Variants in PTPN14 observed in about 807,000 individuals in gnomAD.
PTPN14 encodes protein tyrosine phosphatase non-receptor type 14.
In PTPN14, 53 loss-of-function variants were observed where a neutral mutation model predicts 126.8. The observed-to-expected ratio is 0.42, with a 90% CI of 0.34 to 0.53. PTPN14 has a LOEUF of 0.53. PTPN14 is among the 20% of genes least tolerant of loss of function. The pLI is 0.08. For synonymous variants in PTPN14, 630 were observed against 599.3 expected (o/e 1.05, Z -0.75); for missense variants, 1,257 against 1,552.9 (o/e 0.81, Z 3.20).
chr1:214,448,126 T>G (rs547332500), intron 3 of PTPN14, among the ~76,000 whole-genome samples: 21 of 152,370 alleles, frequency 1.4e-4, no homozygotes, highest in African/African-American at 4.6e-4. Flanking sequence ...AATGCAGCAT[T>G]AAGTTTACTT....
intron 1 of PTPN14, among the ~76,000 whole-genome samples, chr1:214,541,256 T>C (rs1290179035): frequency 1.3e-5 from 2 of 152,142 alleles, no homozygotes; most frequent in East Asian, 1.9e-4. Flanking sequence ...TAAAAAAGAA[T>C]TGCAGTGGGG....
chr1:214,464,107 CT>C (rs1036999897), intron 2 of PTPN14, among the ~76,000 whole-genome samples: 6 of 151,364 alleles, frequency 4.0e-5, no homozygotes, highest in Admixed American at 4.0e-4. Context: ...AAGAAAACCT[CT>C]GTTTTACAGG....
intron 1 of PTPN14, among the ~76,000 whole-genome samples, chr1:214,518,046 C>A (rs928599667): frequency 3.3e-5 from 5 of 152,108 alleles, no homozygotes; most frequent in African/African-American, 9.7e-5. Context: ...AGGAACAATG[C>A]GTTGGTATCT....
At chr1:214,484,419 A>T (rs776766433) in intron 1 of PTPN14, among the ~76,000 whole-genome samples, 2 of 152,342 alleles carry the variant, frequency 1.3e-5, no homozygotes, top group Middle Eastern at 3.4e-3. Context: ...TCTTTAAAAA[A>T]TAATAAATAA....
intron 1 of PTPN14, among the ~76,000 whole-genome samples, chr1:214,484,472 G>A (rs747938736): frequency 6.6e-6 from 1 of 152,192 alleles, no homozygotes; most frequent in Non-Finnish European, 1.5e-5. Flanking sequence ...CTGAGTTAAA[G>A]TGGTAAAATG....
intron 1 of PTPN14, among the ~76,000 whole-genome samples, chr1:214,478,412 G>A (rs1406854391): frequency 6.6e-6 from 1 of 152,082 alleles, no homozygotes; most frequent in Non-Finnish European, 1.5e-5. Context: ...GTTACCTTGT[G>A]TATGTTTAGG....
intron 12 of PTPN14, among the ~76,000 whole-genome samples, chr1:214,386,616 G>A (rs1050238270): frequency 1.3e-5 from 2 of 152,178 alleles, no homozygotes; most frequent in African/African-American, 2.4e-5. Flanking sequence ...GGACTTGCTC[G>A]CTGCCTTGGC....
At chr1:214,465,180 AAGAAAGGAAGATTCAAAG>A (rs1172776743) in intron 1 of PTPN14, among the ~76,000 whole-genome samples, 1 of 152,202 alleles carries the variant, frequency 6.6e-6, no homozygotes, top group Non-Finnish European at 1.5e-5. Context: ...TTTACAGTTG[AAGAAAGGAAGATTCAAAG>A]AGATTAAAGC....
chr1:214,538,703 T>C (rs1214822700), intron 1 of PTPN14, among the ~76,000 whole-genome samples: 1 of 152,202 alleles, frequency 6.6e-6, no homozygotes, highest in Non-Finnish European at 1.5e-5. Context: ...CTCCCCAGCC[T>C]GCTTGCTTGC....
chr1:214,380,970 G>GA (rs933530504), intron 13 of PTPN14, among the ~76,000 whole-genome samples: 8 of 150,446 alleles, frequency 5.3e-5, no homozygotes, highest in South Asian at 4.2e-4. Flanking sequence ...AGATTTGGGG[G>GA]AAAAAAAAAT....
intron 18 of PTPN14, among the ~76,000 whole-genome samples, chr1:214,361,272 A>G (rs1349737610): frequency 6.6e-6 from 1 of 152,224 alleles, no homozygotes; most frequent in Admixed American, 6.5e-5. Flanking sequence ...AACACTAGAC[A>G]CAAGTTAGCT....
intron 17 of PTPN14, among the ~76,000 whole-genome samples, chr1:214,368,515 AT>A (rs1252083474): frequency 6.6e-6 from 1 of 151,682 alleles, no homozygotes; most frequent in Non-Finnish European, 1.5e-5. Context: ...TTTAAGTTTT[AT>A]TTCTCCTTTT....
At position 214,415,485 on chromosome 1, in the gene PTPN14, CACA is replaced by C. The variant is rs138822736; in HGVS notation, c.345-762_345-760del. Among the ~76,000 whole-genome samples the C allele has an allele frequency of 4.9e-3, 750 of 152,330 alleles. 3 individuals carry two copies. The highest frequency in any genetic ancestry group is 0.017 in the African/African-American group (710 of 41,578). On this transcript the variant is annotated intron_variant, in intron 3 of 18. Transcript: ENST00000366956. ...TTTGCCCATACTCTCAACACATAGT[CACA>C]ACGACAACAATCACATTTCTCTAGC...
intron 1 of PTPN14, among the ~76,000 whole-genome samples, chr1:214,469,006 C>T (rs1457965048): frequency 6.6e-6 from 1 of 152,180 alleles, no homozygotes; most frequent in African/African-American, 2.4e-5. Flanking sequence ...CATTTACCTA[C>T]ATTAAAAGCT....
At chr1:214,368,418 C>A (rs912897642) in intron 17 of PTPN14, among the ~76,000 whole-genome samples, 1 of 152,070 alleles carries the variant, frequency 6.6e-6, no homozygotes, top group Non-Finnish European at 1.5e-5. Flanking sequence ...CCACGCTGGT[C>A]TCAAACTCCT....
chr1:214,408,034 C>A (rs115940249), intron 5 of PTPN14, among the ~76,000 whole-genome samples: 488 of 152,326 alleles, frequency 3.2e-3, no homozygotes, highest in African/African-American at 0.011. Context: ...TGCTCCCTAT[C>A]TTTTTGCCTA....
chr1:214,463,521 T>C (rs1660559181), intron 2 of PTPN14, among the ~76,000 whole-genome samples: 1 of 151,884 alleles, frequency 6.6e-6, no homozygotes, highest in Non-Finnish European at 1.5e-5. Context: ...GCATTTCAGG[T>C]GAAACAGTTT....
intron 1 of PTPN14, among the ~76,000 whole-genome samples, chr1:214,468,899 A>G (rs184466872): frequency 9.9e-4 from 151 of 152,298 alleles, no homozygotes; most frequent in African/African-American, 3.5e-3. Context: ...GCTTATTTTA[A>G]TACACTAATC....
Position 214,364,762 on chromosome 1 carries a change from GGTGAGTGTGTGTGTGTGTGTGT to G in PTPN14, c.3272-109_3272-88del, listed in dbSNP as rs1255626509. 11 of 714,548 alleles carry G rather than the reference GGTGAGTGTGTGTGTGTGTGTGT, an allele frequency of 1.5e-5. No individual in the cohort carries two copies. The highest frequency in any genetic ancestry group is 4.6e-4 in the Middle Eastern group (1 of 2,158). 44.3% of individuals were successfully genotyped at this position (714,548 alleles called of 1,614,324 possible). A position where few individuals can be genotyped will look rare whatever the true frequency, so the allele number is the denominator to read the frequency against. On this transcript the variant is annotated intron_variant, in intron 17 of 18. Coordinates refer to ENST00000366956, the MANE Select transcript of PTPN14 (RefSeq NM_005401.5). This position sits in a 1 kb window ranked among gnomAD's most constrained non-coding sequence, Gnocchi z 4.1. ...GAGGGGGGAGCGGAAGAGAACTGAT[GGTGAGTGTGTGTGTGTGTGTGT>G]GTGTGTGTGTGTGTGTGTGTGTTTT...
Sources: allele counts gnomAD v4.1 joint callset (sites outside exome capture counted in the v4.1 genomes callset), GRCh38; gene constraint gnomAD v4.1.1; non-coding constraint Gnocchi (gnomAD v3.1); transcripts MANE v1.5; gene names NCBI Gene and HGNC (gene_info 2026-07-23, HGNC 2026-07-21).